The following SAP30L variants were observed in gnomAD, a reference collection of about 807,000 sequenced individuals.
SAP30L encodes the protein SAP30 like.
SAP30L carries 10 observed loss-of-function variants against 22.3 expected under a neutral mutation model. That is an observed-to-expected ratio of 0.45 (90% confidence interval 0.28 to 0.76). The LOEUF (loss-of-function observed/expected upper bound fraction) is 0.76, where lower values mean the gene tolerates loss of function less well. Ranked by LOEUF, SAP30L falls within the 30% of genes least tolerant of loss-of-function variation. The pLI is 0.14. For missense variants in SAP30L, 206 were observed against 237.9 expected (o/e 0.87, Z 0.88); for synonymous variants, 91 against 94.1 (o/e 0.97, Z 0.19).
chr5:154,452,514 A>C, intron 2 of SAP30L: 1 of 982,512 alleles, frequency 1.0e-6, no homozygotes, highest in Non-Finnish European at 1.2e-6. Context: ...AGGCAGCCCA[A>C]CTTTATGGGC....
intron 2 of SAP30L, chr5:154,452,549 C>T (rs572599431): frequency 3.5e-6 from 3 of 865,660 alleles, no homozygotes; most frequent in South Asian, 1.1e-4. Flanking sequence ...GACTATGCAG[C>T]TTTCCTCTCT....
At chr5:154,448,804 C>G (rs1033892095) in intron 1 of SAP30L, among the ~76,000 whole-genome samples, 44 of 152,276 alleles carry the variant, frequency 2.9e-4, no homozygotes, top group African/African-American at 1.0e-3. Context: ...AAATGTAATA[C>G]TTCTGAGGTA....
intron 2 of SAP30L, among the ~76,000 whole-genome samples, chr5:154,452,721 C>T (rs1757171455): frequency 2.7e-5 from 4 of 145,812 alleles, no homozygotes; most frequent in Admixed American, 7.1e-5. Flanking sequence ...CTGGGCCTAG[C>T]AAAGAGCTAT....
Position 154,446,714 on chromosome 5 carries a change from G to A in SAP30L, c.110G>A (p.Arg37His), listed in dbSNP as rs1256887892. The A allele has an allele frequency of 1.2e-6, 2 of 1,602,022 alleles. No individual in the cohort carries two copies. Among genetic ancestry groups the A allele is most frequent in the African/African-American group, 1.3e-5 (1 of 74,416 alleles). ...TGCTGCCTCATCGAGGACGGCGAGC[G>A]CTGCGTCCGGCCCGCGGGCAACGCC... ...QSCCLIEDGE[R>H]CVRPAGNASF... The change falls in exon 1 of 4, where the codon CGC (arginine) becomes CAC (histidine). Residue 37 changes from arginine to histidine, a missense_variant. Transcript: ENST00000297109.
intron 2 of SAP30L, 48 bp from the exon 3 acceptor site, chr5:154,453,354 T>G (rs1255905834): frequency 1.5e-6 from 2 of 1,359,720 alleles, no homozygotes; most frequent in Non-Finnish European, 1.1e-6. Context: ...TCTTGGTGAG[T>G]CCTGGGTGGT....
chr5:154,446,268 G>A lies in SAP30L; in HGVS notation c.-337G>A, dbSNP rs1267216695. ...CCAGGCCCGGAGTCCTTGGGGAGCG[G>A]CTGTTTCCTGGGACGCCCTCCCGGA... On this transcript the variant is annotated 5_prime_UTR_variant, in exon 1 of 4. Transcript: ENST00000297109. 4.2e-6 allele frequency: 1 copy of A among 240,946 alleles called. No homozygotes were observed. Among genetic ancestry groups the A allele is most frequent in the Non-Finnish European group, 8.0e-6 (1 of 125,592 alleles). The allele number at this position is 240,946 out of a possible 1,614,324, so 14.9% of individuals were successfully genotyped here. A position where few individuals can be genotyped will look rare whatever the true frequency, so the allele number is the denominator to read the frequency against.
In SAP30L at chr5:154,459,410, T is replaced by C. The variant is rs1230971922; in HGVS notation, c.*3382T>C. On this transcript the variant is annotated 3_prime_UTR_variant, in exon 4 of 4. Coordinates refer to ENST00000297109, the MANE Select transcript of SAP30L (RefSeq NM_024632.6). Reference sequence around the variant, plus strand: ...TGGCTTTTCTATGTTCTCTGTAATTTCCATCTTAGTCTCTGCCCCATGGGG... The same window carrying C: ...TGGCTTTTCTATGTTCTCTGTAATTCCCATCTTAGTCTCTGCCCCATGGGG... The C allele has an allele frequency of 1.3e-5, 2 of 152,274 alleles. No individual in the cohort carries two copies. Among genetic ancestry groups the C allele is most frequent in the Non-Finnish European group, 2.9e-5 (2 of 68,056 alleles). 9.4% of individuals were successfully genotyped at this position (152,274 alleles called of 1,614,324 possible).
intron 1 of SAP30L, 87 bp downstream of exon 1, chr5:154,446,892 C>G (rs1757026903): frequency 2.5e-6 from 3 of 1,199,722 alleles, no homozygotes; most frequent in Non-Finnish European, 3.5e-6. Context: ...TCCCCGGGCA[C>G]TCCCCGCCGT....
rs1330093866 is a variant in SAP30L, at chr5:154,446,540, C to G, written c.-65C>G. 7.6e-7 allele frequency: 1 copy of G among 1,313,942 alleles called. No homozygotes were observed. The highest frequency in any genetic ancestry group is 9.9e-7 in the Non-Finnish European group (1 of 1,012,018). The allele number at this position is 1,313,942 out of a possible 1,614,324, so 81.4% of individuals were successfully genotyped here. ...GGGGTCTCAGCGACCTGCCCCGCGG[C>G]AAGCGCGGCCGCGGAGTGGCCTACC... On this transcript the variant is annotated 5_prime_UTR_variant, in exon 1 of 4. Transcript: ENST00000297109.
chr5:154,453,246 G>T, intron 2 of SAP30L, 156 bp from the exon 3 acceptor site: 1 of 559,648 alleles, frequency 1.8e-6, no homozygotes, highest in Non-Finnish European at 3.2e-6. Context: ...TGCCCTCCTA[G>T]CCAGTTACTA....
intron 1 of SAP30L, among the ~76,000 whole-genome samples, chr5:154,448,264 C>T (rs1757067903): frequency 6.6e-6 from 1 of 152,186 alleles, no homozygotes. Flanking sequence ...GCGTGAGCCA[C>T]TGCGCCCAGC....
rs952903140 is a variant in SAP30L, at chr5:154,455,453, C to T, written c.424-447C>T. 6.6e-5 allele frequency among the ~76,000 whole-genome samples: 10 copies of T among 152,298 alleles called. No individual in the cohort carries two copies. The South Asian group carries it at 1.2e-3, about 19-fold the overall frequency. On this transcript the variant is annotated intron_variant, in intron 3 of 3. Transcript: ENST00000297109. ...CGAACTCCTGGCCTCAACTAATCCT[C>T]CCACCTTAACCTCCCAAAGCATTGG...
Position 154,446,492 on chromosome 5 carries a change from G to T in SAP30L, c.-113G>T. 1 of 882,478 alleles carries T rather than the reference G, an allele frequency of 1.1e-6. No homozygotes were observed. The highest frequency in any genetic ancestry group is 4.3e-5 in the Admixed American group (1 of 23,390). 54.7% of individuals were successfully genotyped at this position (882,478 alleles called of 1,614,324 possible). A position where few individuals can be genotyped will look rare whatever the true frequency, so the allele number is the denominator to read the frequency against. ...GCAGGGCAGCGCCCGGGCTGGAGAC[G>T]GACTCTGGGACCCTCGGCTGCGGGG... On this transcript the variant is annotated 5_prime_UTR_variant, in exon 1 of 4. Coordinates refer to ENST00000297109, the MANE Select transcript of SAP30L (RefSeq NM_024632.6).
chr5:154,451,389 A>G, intron 2 of SAP30L, 176 bp downstream of exon 2: 1 of 699,610 alleles, frequency 1.4e-6, no homozygotes, highest in East Asian at 2.8e-5. Flanking sequence ...AAGCTTGGAC[A>G]CCCACTGGTC....
Position 154,456,147 on chromosome 5 carries a change from A to G in SAP30L, c.*119A>G. The G allele has an allele frequency of 9.6e-7, 1 of 1,039,008 alleles. No individual in the cohort carries two copies. The highest frequency in any genetic ancestry group is 2.7e-5 in the East Asian group (1 of 36,426). The allele number at this position is 1,039,008 out of a possible 1,614,324, so 64.4% of individuals were successfully genotyped here. On this transcript the variant is annotated 3_prime_UTR_variant, in exon 4 of 4. Coordinates refer to ENST00000297109, the MANE Select transcript of SAP30L (RefSeq NM_024632.6). Reference sequence around the variant, plus strand: ...GTAAATAAAAAAGTTTGAATGATGAATACTGTAAATCTTTTTGGTCAGGAG... The same window carrying G: ...GTAAATAAAAAAGTTTGAATGATGAGTACTGTAAATCTTTTTGGTCAGGAG...
In SAP30L at chr5:154,459,970, G is replaced by A. The variant is rs1757340030; in HGVS notation, c.*3942G>A. On this transcript the variant is annotated 3_prime_UTR_variant, in exon 4 of 4. Coordinates refer to ENST00000297109, the MANE Select transcript of SAP30L (RefSeq NM_024632.6). The stretch of plus-strand genomic sequence containing the variant: ...TGTCCAATCATCCGTTTTTAGAGAT[G>A]GGGAAACTAAAACTCAAAAAGATGT... 2 of 152,124 alleles carry A rather than the reference G, an allele frequency of 1.3e-5. No homozygotes were observed. The highest frequency in any genetic ancestry group is 6.5e-5 in the Admixed American group (1 of 15,276). 9.4% of individuals were successfully genotyped at this position (152,124 alleles called of 1,614,324 possible). A position where few individuals can be genotyped will look rare whatever the true frequency, so the allele number is the denominator to read the frequency against.
At position 154,458,632 on chromosome 5, in the gene SAP30L, C is replaced by G. The variant is rs1757311771; in HGVS notation, c.*2604C>G. ...CTGGGCAAAACTGGAATTTGAAATC[C>G]AGAACTGGCGTTGTCTTCTTAAAGA... On this transcript the variant is annotated 3_prime_UTR_variant, in exon 4 of 4. Coordinates refer to ENST00000297109, the MANE Select transcript of SAP30L (RefSeq NM_024632.6). 2.0e-5 allele frequency: 3 copies of G among 152,228 alleles called. No individual in the cohort carries two copies. Among genetic ancestry groups the G allele is most frequent in the Admixed American group, 2.0e-4 (3 of 15,278 alleles). 9.4% of individuals were successfully genotyped at this position (152,228 alleles called of 1,614,324 possible).
rs1296518029 is a variant in SAP30L, at chr5:154,446,372, C to G, written c.-233C>G. 1 of 392,298 alleles carries G rather than the reference C, an allele frequency of 2.5e-6. No homozygotes were observed. The highest frequency in any genetic ancestry group is 2.1e-5 in the African/African-American group (1 of 47,730). 24.3% of individuals were successfully genotyped at this position (392,298 alleles called of 1,614,324 possible). ...TGACCCCCGGCGGGGCCCTGCGAGC[C>G]GCGGGAGCCGACCCCGGGGCCTCGA... On this transcript the variant is annotated 5_prime_UTR_variant, in exon 1 of 4. Transcript: ENST00000297109.
At chr5:154,452,173 G>C (rs911023064) in intron 2 of SAP30L, among the ~76,000 whole-genome samples, 1 of 152,174 alleles carries the variant, frequency 6.6e-6, no homozygotes, top group African/African-American at 2.4e-5. Flanking sequence ...GAAAATGACT[G>C]TGTAGGAATA....
Sources: gnomAD v4.1 joint callset for allele counts (sites outside exome capture counted in the v4.1 genomes callset) on GRCh38, gnomAD v4.1.1 for gene constraint, MANE v1.5 for transcripts, NCBI Gene and HGNC (gene_info 2026-07-23, HGNC 2026-07-21) for gene names.